The following MEI4 variants were observed in gnomAD, a reference collection of about 807,000 sequenced individuals.
MEI4 encodes the protein meiotic double-stranded break formation protein 4, also known as meiosis-specific protein MEI4.
Under a neutral mutation model 31.4 loss-of-function variants are expected in MEI4, and 27 were observed. That is an observed-to-expected ratio of 0.86 (90% CI 0.63 to 1.19). The LOEUF is 1.19. Among genes scored for constraint, MEI4 ranks in the 50% most tolerant of loss-of-function variants. MEI4 has a pLI of 0.00. For synonymous variants in MEI4, 122 were observed against 145.4 expected (o/e 0.84, Z 1.16); for missense variants, 329 against 398.9 (o/e 0.82, Z 1.49).
At chr6:77,746,457 G>A (rs1439016700) in intron 2 of MEI4, among the ~76,000 whole-genome samples, 1 of 152,038 alleles carries the variant, frequency 6.6e-6, no homozygotes, top group Non-Finnish European at 1.5e-5. Flanking sequence ...CTGGGACATG[G>A]CATTTATCCT....
chr6:77,871,326 A>G lies in MEI4; in HGVS notation c.900+42264A>G, dbSNP rs138937123. ...AAAAACAAAAGTCTACCTAAAAAAG[A>G]TATTTGAGAAAATATAATCATGCTT... On this transcript the variant is annotated intron_variant, in intron 4 of 4. Transcript: ENST00000684080. Among the ~76,000 whole-genome samples the G allele has an allele frequency of 4.1e-3, 625 of 152,318 alleles. 5 individuals carry two copies. The highest frequency in any genetic ancestry group is 0.015 in the African/African-American group (603 of 41,582).
At chr6:77,771,197 TTAC>T (rs1386276566) in intron 3 of MEI4, among the ~76,000 whole-genome samples, 1 of 152,060 alleles carries the variant, frequency 6.6e-6, no homozygotes, top group Non-Finnish European at 1.5e-5. Flanking sequence ...ATGCTCAACA[TTAC>T]TAATCATTAG....
chr6:77,895,580 A>G (rs1174469664), intron 4 of MEI4, among the ~76,000 whole-genome samples: 1 of 152,078 alleles, frequency 6.6e-6, no homozygotes. Flanking sequence ...CCCTATGACT[A>G]TTCCCTTTAG....
chr6:77,840,712 G>A (rs1445272733), intron 4 of MEI4, among the ~76,000 whole-genome samples: 1 of 152,022 alleles, frequency 6.6e-6, no homozygotes, highest in Non-Finnish European at 1.5e-5. Flanking sequence ...GGCTTCTAGT[G>A]TACCCATTAC....
At position 77,892,017 on chromosome 6, in the gene MEI4, T is replaced by C. The variant is rs557497092; in HGVS notation, c.901-31072T>C. ...CTTGGGCACAGGTTTGCCAGTTCTC[T>C]GGCCCCCAGGCAGTGTCCACTGACA... On this transcript the variant is annotated intron_variant, in intron 4 of 4. Transcript: ENST00000684080. Among the ~76,000 whole-genome samples the C allele has an allele frequency of 5.1e-4, 77 of 152,338 alleles. 2 individuals carry two copies. The highest frequency in any genetic ancestry group is 1.3e-3 in the African/African-American group (56 of 41,576).
At chr6:77,786,243 T>G (rs1768733547) in intron 3 of MEI4, among the ~76,000 whole-genome samples, 1 of 150,016 alleles carries the variant, frequency 6.7e-6, no homozygotes, top group Non-Finnish European at 1.5e-5. Context: ...AAATTTTGAG[T>G]GACTGTCATG....
At chr6:77,878,114 G>T (rs1771388668) in intron 4 of MEI4, among the ~76,000 whole-genome samples, 1 of 152,096 alleles carries the variant, frequency 6.6e-6, no homozygotes. Context: ...CAGGTACTAA[G>T]TAGTCATCAG....
intron 4 of MEI4, among the ~76,000 whole-genome samples, chr6:77,903,398 A>G (rs575765506): frequency 1.4e-4 from 22 of 152,002 alleles, no homozygotes; most frequent in Non-Finnish European, 8.8e-5. Context: ...TTTCTTTCCA[A>G]ATGTAATGTA....
intron 2 of MEI4, among the ~76,000 whole-genome samples, chr6:77,735,349 C>T (rs1582077664): frequency 6.6e-6 from 1 of 151,744 alleles, no homozygotes; most frequent in Non-Finnish European, 1.5e-5. Context: ...ATTCTTTTTT[C>T]TCTAAACTTC....
At chr6:77,845,650 CTTTG>C (rs1257526562) in intron 4 of MEI4, among the ~76,000 whole-genome samples, 1 of 151,982 alleles carries the variant, frequency 6.6e-6, no homozygotes, top group African/African-American at 2.4e-5. Flanking sequence ...CATATATTGT[CTTTG>C]TTTATTGATC....
At chr6:77,852,205 G>A (rs1393388961) in intron 4 of MEI4, among the ~76,000 whole-genome samples, 19 of 152,118 alleles carry the variant, frequency 1.2e-4, no homozygotes. Context: ...ATGGGACGTG[G>A]CAAATGGTTA....
At chr6:77,844,101 C>A (rs1015938832) in intron 4 of MEI4, among the ~76,000 whole-genome samples, 4 of 152,062 alleles carry the variant, frequency 2.6e-5, no homozygotes, top group Non-Finnish European at 4.4e-5. Context: ...TCAAACAGAT[C>A]ACATCATAAT....
intron 2 of MEI4, among the ~76,000 whole-genome samples, chr6:77,726,939 C>A (rs906775609): frequency 6.6e-6 from 1 of 152,136 alleles, no homozygotes; most frequent in African/African-American, 2.4e-5. Flanking sequence ...TTTTATCCAA[C>A]AATGATGTAT....
At chr6:77,789,270 A>C (rs187567624) in intron 3 of MEI4, among the ~76,000 whole-genome samples, 1 of 152,322 alleles carries the variant, frequency 6.6e-6, no homozygotes, top group African/African-American at 2.4e-5. Context: ...TGGATTAAAG[A>C]CTTAAACATT....
intron 4 of MEI4, among the ~76,000 whole-genome samples, chr6:77,884,719 G>A (rs761031354): frequency 2.6e-5 from 4 of 152,142 alleles, no homozygotes; most frequent in Non-Finnish European, 4.4e-5. Flanking sequence ...GGATGGGCCC[G>A]TTTTTATACC....
chr6:77,664,096 G>A (rs1046083462), intron 1 of MEI4, among the ~76,000 whole-genome samples: 1 of 152,222 alleles, frequency 6.6e-6, no homozygotes, highest in Non-Finnish European at 1.5e-5. Context: ...TTGTGTGCTG[G>A]AGATGTGGCT....
intron 4 of MEI4, among the ~76,000 whole-genome samples, chr6:77,835,181 G>A (rs1007517434): frequency 6.7e-6 from 1 of 150,030 alleles, no homozygotes; most frequent in Non-Finnish European, 1.5e-5. Flanking sequence ...TGGGCTTAAG[G>A]ATATGAAAAG....
intron 4 of MEI4, among the ~76,000 whole-genome samples, chr6:77,922,341 A>G (rs9359300): frequency 0.37 from 56,053 of 151,502 alleles, 10,972 homozygotes; most frequent in African/African-American, 0.5. Flanking sequence ...TCTACTTTTC[A>G]GAGGATCCAT....
At chr6:77,881,731 G>GA (rs1218783081) in intron 4 of MEI4, among the ~76,000 whole-genome samples, 1 of 152,190 alleles carries the variant, frequency 6.6e-6, no homozygotes, top group African/African-American at 2.4e-5. Flanking sequence ...TTTTGAGCTG[G>GA]AAAAAGTGAA....
Sources: allele counts gnomAD v4.1 joint callset (sites outside exome capture counted in the v4.1 genomes callset), GRCh38; gene constraint gnomAD v4.1.1; transcripts MANE v1.5; gene names NCBI Gene and HGNC (gene_info 2026-07-23, HGNC 2026-07-21).